IL1RL2: variants seen among roughly 807,000 people sequenced by gnomAD.
IL1RL2 encodes interleukin-1 receptor-like 2.
A neutral mutation model predicts 66.8 loss-of-function variants in IL1RL2; 68 were observed. The ratio of observed to expected loss-of-function variants is 1.02; its 90% CI spans 0.84 to 1.25. IL1RL2 has a LOEUF of 1.25. Ranked by LOEUF, IL1RL2 falls within the 50% of genes most tolerant of loss-of-function variation. The pLI is 0.00. For missense variants in IL1RL2, 729 were observed against 709.3 expected (o/e 1.03, Z -0.32); for synonymous variants, 305 against 264.6 (o/e 1.15, Z -1.48).
At chr2:102,196,760 G>T (rs1424375487) in intron 4 of IL1RL2, among the ~76,000 whole-genome samples, 1 of 152,178 alleles carries the variant, frequency 6.6e-6, no homozygotes, top group Non-Finnish European at 1.5e-5. Context: ...CAGGTGCAAA[G>T]GCGTTGGGTG....
At chr2:102,240,513 A>C (rs1339282800), downstream of IL1RL2, among the ~76,000 whole-genome samples, 3 of 152,056 alleles carry the variant, frequency 2.0e-5, no homozygotes, top group Non-Finnish European at 2.9e-5. Context: ...TAAGCAACTC[A>C]GTATGCACAC....
intron 5 of IL1RL2, among the ~76,000 whole-genome samples, chr2:102,205,741 C>T (rs932035961): frequency 6.6e-6 from 1 of 152,130 alleles, no homozygotes; most frequent in Admixed American, 6.5e-5. Flanking sequence ...GCTGGGTGTT[C>T]TATAACCTTC....
At chr2:102,199,020 CT>C (rs1163516917) in intron 4 of IL1RL2, among the ~76,000 whole-genome samples, 1 of 152,168 alleles carries the variant, frequency 6.6e-6, no homozygotes, top group Non-Finnish European at 1.5e-5. Flanking sequence ...ATTCCTTCTT[CT>C]TCTTAGTAAC....
chr2:102,191,348 C>T (rs746409802), intron 3 of IL1RL2, among the ~76,000 whole-genome samples: 5 of 152,092 alleles, frequency 3.3e-5, no homozygotes, highest in Non-Finnish European at 5.9e-5. Context: ...TCATATAATA[C>T]CTTAATCTAT....
intron 5 of IL1RL2, 40 bp from the exon 6 acceptor site, chr2:102,212,060 C>A: frequency 6.9e-7 from 1 of 1,452,064 alleles, no homozygotes. Flanking sequence ...ATGTATCATA[C>A]GTGATTCTAA....
intron 7 of IL1RL2, among the ~76,000 whole-genome samples, 164 bp from the exon 8 acceptor site, chr2:102,219,717 A>G (rs1035560789): frequency 6.6e-6 from 1 of 152,212 alleles, no homozygotes; most frequent in Non-Finnish European, 1.5e-5. Flanking sequence ...ATTTGGGAAT[A>G]TACAATCTAC....
downstream of IL1RL2, among the ~76,000 whole-genome samples, chr2:102,242,254 A>G (rs1675249388): frequency 6.6e-6 from 1 of 152,194 alleles, no homozygotes; most frequent in Non-Finnish European, 1.5e-5. Context: ...AAAAATATTC[A>G]TTATCCTTTT....
intron 5 of IL1RL2, among the ~76,000 whole-genome samples, chr2:102,211,345 G>A (rs1230387975): frequency 6.6e-6 from 1 of 152,142 alleles, no homozygotes; most frequent in Non-Finnish European, 1.5e-5. Context: ...GGAGTCCAGG[G>A]AGTCAATACA....
upstream of IL1RL2, chr2:102,187,015 A>C: frequency 3.1e-6 from 4 of 1,289,724 alleles, no homozygotes; most frequent in Non-Finnish European, 4.0e-6. Flanking sequence ...TGGAAGTGGC[A>C]TGACAGGGCT....
At chr2:102,215,163 C>T (rs1412740757) in intron 6 of IL1RL2, among the ~76,000 whole-genome samples, 1 of 152,194 alleles carries the variant, frequency 6.6e-6, no homozygotes, top group East Asian at 1.9e-4. Context: ...GTCCTGAGCC[C>T]AGTTTGGGGA....
chr2:102,235,368 A>C (rs1674790885), intron 11 of IL1RL2, 91 bp downstream of exon 11: 7 of 1,531,712 alleles, frequency 4.6e-6, no homozygotes, highest in Non-Finnish European at 6.1e-6. Flanking sequence ...GACACGTTTC[A>C]TCGGGGCCGT....
chr2:102,237,466 G>T (rs780349933), intron 11 of IL1RL2, among the ~76,000 whole-genome samples: 3 of 152,192 alleles, frequency 2.0e-5, no homozygotes, highest in African/African-American at 7.2e-5. Context: ...AGCACTGCAG[G>T]CAGCCTTCAG....
chr2:102,215,100 T>G (rs1026119415), intron 6 of IL1RL2, among the ~76,000 whole-genome samples: 3 of 152,196 alleles, frequency 2.0e-5, no homozygotes, highest in African/African-American at 7.2e-5. Context: ...ACCTTCATTA[T>G]TACCACAGAC....
intron 9 of IL1RL2, among the ~76,000 whole-genome samples, chr2:102,229,988 A>T (rs1362101668): frequency 6.6e-6 from 1 of 152,234 alleles, no homozygotes; most frequent in Non-Finnish European, 1.5e-5. Flanking sequence ...AAACAGTAGG[A>T]AAAAAGAGAA....
intron 4 of IL1RL2, 152 bp from the exon 5 acceptor site, chr2:102,201,404 C>T: frequency 1.6e-6 from 1 of 643,092 alleles, no homozygotes; most frequent in Non-Finnish European, 2.7e-6. Context: ...ATCTATCCAT[C>T]TATCATCAAT....
chr2:102,214,372 C>A (rs1447356569), intron 6 of IL1RL2, among the ~76,000 whole-genome samples: 1 of 152,080 alleles, frequency 6.6e-6, no homozygotes, highest in African/African-American at 2.4e-5. Flanking sequence ...ACATTCAAAG[C>A]TAATAGCATT....
In IL1RL2 at chr2:102,200,653, C is replaced by T. The variant is rs150430126; in HGVS notation, c.490-903C>T. 1.2e-3 allele frequency among the ~76,000 whole-genome samples: 180 copies of T among 152,282 alleles called. 1 individual carries two copies. In the East Asian group the frequency reaches 0.015, roughly 13 times the overall value. On this transcript the variant is annotated intron_variant, in intron 4 of 11. Transcript: ENST00000264257. ...TAAGCAGTCACTCTGTGGACTGCAG[C>T]TTCTTGGAGGACAGGGAGCAGGTTT...
At chr2:102,239,093 G>A in intron 11 of IL1RL2, 99 bp from the exon 12 acceptor site, 2 of 1,017,748 alleles carry the variant, frequency 2.0e-6, no homozygotes, top group Non-Finnish European at 3.1e-6. Context: ...TGAACTGACG[G>A]CAAGGTGGAG....
intron 5 of IL1RL2, among the ~76,000 whole-genome samples, chr2:102,210,302 G>A (rs1689055377): frequency 6.6e-6 from 1 of 152,124 alleles, no homozygotes; most frequent in Non-Finnish European, 1.5e-5. Flanking sequence ...AGGTGATGAG[G>A]TTGGGTAAGT....
Sources: allele counts gnomAD v4.1 joint callset (sites outside exome capture counted in the v4.1 genomes callset), GRCh38; gene constraint gnomAD v4.1.1; transcripts MANE v1.5; gene names NCBI Gene and HGNC (gene_info 2026-07-23, HGNC 2026-07-21).